Variants in KCNB2 observed in about 807,000 individuals in gnomAD.
KCNB2 encodes the protein potassium voltage-gated channel subfamily B member 2, also known as delayed rectifier potassium channel protein.
In KCNB2, 15 loss-of-function variants were observed where a neutral mutation model predicts 61.5. The ratio of observed to expected loss-of-function variants is 0.24; its 90% CI spans 0.16 to 0.38. KCNB2 has a LOEUF of 0.38. Ranked by LOEUF, KCNB2 falls within the 10% of genes least tolerant of loss-of-function variation. KCNB2 has a pLI of 1.00. For missense variants in KCNB2, 828 were observed against 1,125.2 expected (o/e 0.74, Z 3.78); for synonymous variants, 457 against 446.0 (o/e 1.02, Z -0.31).
intron 2 of KCNB2, among the ~76,000 whole-genome samples, chr8:72,572,913 TGTC>T (rs1454226293): frequency 6.6e-6 from 1 of 152,240 alleles, no homozygotes; most frequent in East Asian, 1.9e-4. Flanking sequence ...ACAGGTCCAT[TGTC>T]GTTGGCATGG....
chr8:72,811,890 C>T (rs117569167), intron 2 of KCNB2, among the ~76,000 whole-genome samples: 1,666 of 152,322 alleles, frequency 0.011, 20 homozygotes, highest in Middle Eastern at 0.02. Context: ...GAGATTTATG[C>T]ACCTTCACGG....
rs1224526758 is a variant in KCNB2, at chr8:72,899,337, AC to A, written c.580-36597del. On this transcript the variant is annotated intron_variant, in intron 2 of 2. Coordinates refer to ENST00000523207, the MANE Select transcript of KCNB2 (RefSeq NM_004770.3). ...ATTCCCCTTGAGGGGAATGATGGCC[AC>A]TCTCACCACTCCTATTCAACATAGT... Among the ~76,000 whole-genome samples the A allele has an allele frequency of 2.6e-5, 4 of 152,170 alleles. No homozygotes were observed. In the East Asian group the frequency reaches 7.8e-4, roughly 30 times the overall value.
intron 2 of KCNB2, among the ~76,000 whole-genome samples, chr8:72,646,000 G>GT: frequency 6.6e-6 from 1 of 152,200 alleles, no homozygotes; most frequent in Non-Finnish European, 1.5e-5. Context: ...TTTCATTAGT[G>GT]TTGTCACAAG....
At chr8:72,833,635 A>G (rs998115440) in intron 2 of KCNB2, among the ~76,000 whole-genome samples, 1 of 152,192 alleles carries the variant, frequency 6.6e-6, no homozygotes, top group African/African-American at 2.4e-5. Context: ...GAGAAAAAGG[A>G]AAGTTAATCA....
chr8:72,901,927 A>C (rs1806099097), intron 2 of KCNB2, among the ~76,000 whole-genome samples: 1 of 152,158 alleles, frequency 6.6e-6, no homozygotes, highest in South Asian at 2.1e-4. Context: ...GTCACCAGTG[A>C]ATAGAGGAGA....
Position 72,634,384 on chromosome 8 carries a change from G to A in KCNB2, c.579+66071G>A, listed in dbSNP as rs376229539. On this transcript the variant is annotated intron_variant, in intron 2 of 2. Transcript: ENST00000523207. ...TCTTAACATTCACATTCTAATTATC[G>A]AGTCTGAGATGAGGCCTGAAATTTC... Among the ~76,000 whole-genome samples the A allele has an allele frequency of 5.3e-5, 8 of 152,152 alleles. 1 individual carries two copies. In the East Asian group the frequency reaches 1.4e-3, roughly 26 times the overall value.
intron 2 of KCNB2, among the ~76,000 whole-genome samples, chr8:72,590,659 G>A (rs1489251254): frequency 6.6e-6 from 1 of 152,102 alleles, no homozygotes; most frequent in African/African-American, 2.4e-5. Context: ...TTTGCAGTTT[G>A]CAAGAGGTAA....
At chr8:72,599,360 G>A (rs1304467860) in intron 2 of KCNB2, among the ~76,000 whole-genome samples, 1 of 152,096 alleles carries the variant, frequency 6.6e-6, no homozygotes. Flanking sequence ...AGGATTCCCT[G>A]TTTAATAAAA....
chr8:72,775,773 A>G lies in KCNB2; in HGVS notation c.580-160162A>G, dbSNP rs147088143. ...AGGTAAGAATAGCCAGGTAGGCCAC[A>G]TTTTTGGGTTACAAAATCTTAGGCT... On this transcript the variant is annotated intron_variant, in intron 2 of 2. Coordinates refer to ENST00000523207, the MANE Select transcript of KCNB2 (RefSeq NM_004770.3). 7.6e-4 allele frequency among the ~76,000 whole-genome samples: 115 copies of G among 151,970 alleles called. 1 individual carries two copies. In the East Asian group the frequency reaches 0.02, roughly 26 times the overall value.
At chr8:72,597,184 C>G (rs968533983) in intron 2 of KCNB2, among the ~76,000 whole-genome samples, 13 of 152,004 alleles carry the variant, frequency 8.6e-5, no homozygotes, top group African/African-American at 3.1e-4. Context: ...CCACCACACT[C>G]AGCTAATTTT....
intron 2 of KCNB2, among the ~76,000 whole-genome samples, chr8:72,734,089 T>C (rs1013430383): frequency 7.2e-5 from 11 of 152,142 alleles, no homozygotes; most frequent in African/African-American, 2.7e-4. Context: ...ATAGAAAACA[T>C]TTATATTAGT....
At chr8:72,927,205 G>A (rs953584630) in intron 2 of KCNB2, among the ~76,000 whole-genome samples, 5 of 152,030 alleles carry the variant, frequency 3.3e-5, no homozygotes, top group African/African-American at 7.2e-5. Flanking sequence ...TCACTACACC[G>A]AGTACCCTTC....
chr8:72,634,739 A>C (rs1033676037), intron 2 of KCNB2, among the ~76,000 whole-genome samples: 1 of 152,212 alleles, frequency 6.6e-6, no homozygotes, highest in African/African-American at 2.4e-5. Context: ...AATGTAATTT[A>C]AAGTGAAAAT....
intron 2 of KCNB2, 96 bp from the exon 3 acceptor site, chr8:72,935,839 G>A: frequency 1.2e-6 from 1 of 809,928 alleles, no homozygotes; most frequent in Admixed American, 2.3e-5. Context: ...AGAACTTGGA[G>A]CATTCCATAT....
At chr8:72,873,372 C>T (rs1438368568) in intron 2 of KCNB2, among the ~76,000 whole-genome samples, 1 of 152,224 alleles carries the variant, frequency 6.6e-6, no homozygotes, top group African/African-American at 2.4e-5. Context: ...TGAGAGTCAA[C>T]ATGACTTTGA....
chr8:72,571,499 C>A (rs1020090372), intron 2 of KCNB2, among the ~76,000 whole-genome samples: 4 of 152,134 alleles, frequency 2.6e-5, no homozygotes, highest in Non-Finnish European at 5.9e-5. Context: ...TCGTACTATT[C>A]AAAATATAAT....
intron 2 of KCNB2, among the ~76,000 whole-genome samples, chr8:72,714,725 A>T (rs929602185): frequency 6.6e-6 from 1 of 152,076 alleles, no homozygotes; most frequent in South Asian, 2.1e-4. Flanking sequence ...TGTAAAGACC[A>T]TCAAGGCTAG....
chr8:72,761,938 A>G (rs1355663857), intron 2 of KCNB2, among the ~76,000 whole-genome samples: 1 of 152,196 alleles, frequency 6.6e-6, no homozygotes, highest in Non-Finnish European at 1.5e-5. Context: ...ACTCTATAGT[A>G]TAGTATAGAG....
At position 72,736,143 on chromosome 8, in the gene KCNB2, C is replaced by A. The variant is rs112045554; in HGVS notation, c.579+167830C>A. Among the ~76,000 whole-genome samples, 241 of 146,430 alleles carry A rather than the reference C, an allele frequency of 1.6e-3. 2 individuals carry two copies. The highest frequency in any genetic ancestry group is 5.9e-3 in the African/African-American group (229 of 38,844). On this transcript the variant is annotated intron_variant, in intron 2 of 2. Coordinates refer to ENST00000523207, the MANE Select transcript of KCNB2 (RefSeq NM_004770.3). ...GATGTGAGGCTACTAATAGCCTTTACTTATTGTATAATTACACAACTTAAT... is the reference window on the plus strand; with the variant it reads ...GATGTGAGGCTACTAATAGCCTTTAATTATTGTATAATTACACAACTTAAT...
Sources: allele counts gnomAD v4.1 joint callset (sites outside exome capture counted in the v4.1 genomes callset), GRCh38; gene constraint gnomAD v4.1.1; transcripts MANE v1.5; gene names NCBI Gene and HGNC (gene_info 2026-07-23, HGNC 2026-07-21).